PTPN14: variants seen among roughly 807,000 people sequenced by gnomAD.
PTPN14 encodes the protein protein tyrosine phosphatase non-receptor type 14.
A neutral mutation model predicts 126.8 loss-of-function variants in PTPN14; 53 were observed. That is an observed-to-expected ratio of 0.42 (90% CI 0.34 to 0.53). The LOEUF (loss-of-function observed/expected upper bound fraction) is 0.53, where lower values mean the gene tolerates loss of function less well. Ranked by LOEUF, PTPN14 falls within the 20% of genes least tolerant of loss-of-function variation. PTPN14 has a pLI of 0.08. For synonymous variants in PTPN14, 630 were observed against 599.3 expected (o/e 1.05, Z -0.75); for missense variants, 1,257 against 1,552.9 (o/e 0.81, Z 3.20).
chr1:214,391,714 A>AAC (rs1225438977), intron 10 of PTPN14, among the ~76,000 whole-genome samples: 5 of 151,454 alleles, frequency 3.3e-5, no homozygotes, highest in African/African-American at 1.2e-4. Flanking sequence ...TAAAAAAAAA[A>AAC]AAAAAACCCA....
chr1:214,364,803 G>GTGTGTGTGTT lies in PTPN14; in HGVS notation c.3272-129_3272-128insAACACACACA, dbSNP rs1443846804. On this transcript the variant is annotated intron_variant, in intron 17 of 18. Coordinates refer to ENST00000366956, the MANE Select transcript of PTPN14 (RefSeq NM_005401.5). This position sits in a 1 kb window ranked among gnomAD's most constrained non-coding sequence, Gnocchi z 4.1. ...TGTGTGTGTGTGTGTGTGTGTGTGTGTGTTTTAAGTGACAATAATTTATAG... is the reference window on the plus strand; with the variant it reads ...TGTGTGTGTGTGTGTGTGTGTGTGTGTGTGTGTGTTTGTTTTAAGTGACAATAATTTATAG... The GTGTGTGTGTT allele has an allele frequency of 8.5e-6, 7 of 825,738 alleles. No homozygotes were observed. The African/African-American group carries it at 1.2e-4, about 15-fold the overall frequency. 51.2% of individuals were successfully genotyped at this position (825,738 alleles called of 1,614,324 possible).
chr1:214,462,571 A>C (rs1660537134), intron 2 of PTPN14, among the ~76,000 whole-genome samples: 1 of 152,158 alleles, frequency 6.6e-6, no homozygotes. Context: ...GGCTATGTTC[A>C]TCTTCCATCA....
rs561681238 is a variant in PTPN14, at chr1:214,515,322, G to A, written c.-155+35861C>T. On this transcript the variant is annotated intron_variant, in intron 1 of 18. Coordinates refer to ENST00000366956, the MANE Select transcript of PTPN14 (RefSeq NM_005401.5). ...ACTAGGCACTTATTTTTTTTTTAAC[G>A]ATAATATGTCTATCTTCCTGCCAGC... Among the ~76,000 whole-genome samples the A allele has an allele frequency of 5.3e-5, 8 of 151,576 alleles. No individual in the cohort carries two copies. The South Asian group carries it at 1.0e-3, about 20-fold the overall frequency.
intron 3 of PTPN14, among the ~76,000 whole-genome samples, chr1:214,444,729 A>G (rs1021323952): frequency 5.3e-5 from 8 of 152,188 alleles, no homozygotes; most frequent in Non-Finnish European, 1.2e-4. Flanking sequence ...ACACACATGC[A>G]CACACACAGA....
chr1:214,468,210 G>A (rs1240685364), intron 1 of PTPN14, among the ~76,000 whole-genome samples: 1 of 152,116 alleles, frequency 6.6e-6, no homozygotes, highest in African/African-American at 2.4e-5. Flanking sequence ...ATATAGCAGG[G>A]GTAAAGAAGT....
At position 214,350,672 on chromosome 1, in the gene PTPN14, C is replaced by G. The variant is rs1405881136; in HGVS notation, c.*7250G>C. On this transcript the variant is annotated 3_prime_UTR_variant, in exon 19 of 19. Coordinates refer to ENST00000366956, the MANE Select transcript of PTPN14 (RefSeq NM_005401.5). ...TATCCTGCCTCAGCCTCCTGAGTAGCTGGGATTACAGGCATGTGCCACCAT... is the reference window on the plus strand; with the variant it reads ...TATCCTGCCTCAGCCTCCTGAGTAGGTGGGATTACAGGCATGTGCCACCAT... The G allele has an allele frequency of 7.0e-6, 1 of 143,126 alleles. No individual in the cohort carries two copies. Among genetic ancestry groups the G allele is most frequent in the East Asian group, 2.0e-4 (1 of 4,886 alleles). The allele number at this position is 143,126 out of a possible 1,614,324, so 8.9% of individuals were successfully genotyped here.
intron 2 of PTPN14, among the ~76,000 whole-genome samples, chr1:214,460,381 A>G (rs1282836378): frequency 6.6e-6 from 1 of 151,620 alleles, no homozygotes; most frequent in African/African-American, 2.4e-5. Context: ...CTTCCCTTCC[A>G]TGACCCTTTC....
In PTPN14 at chr1:214,352,396, T is replaced by C. The variant is rs1657723791; in HGVS notation, c.*5526A>G. The stretch of plus-strand genomic sequence containing the variant: ...ACACAAAAGCTGAGAGCAGGCTGGA[T>C]AAAGGCTGAGTGTTGATGGCGCAAG... On this transcript the variant is annotated 3_prime_UTR_variant, in exon 19 of 19. Transcript: ENST00000366956. 1 of 152,222 alleles carries C rather than the reference T, an allele frequency of 6.6e-6. No individual in the cohort carries two copies. Among genetic ancestry groups the C allele is most frequent in the Admixed American group, 6.5e-5 (1 of 15,282 alleles). The allele number at this position is 152,222 out of a possible 1,614,324, so 9.4% of individuals were successfully genotyped here.
chr1:214,475,163 C>CA (rs906233798), intron 1 of PTPN14, among the ~76,000 whole-genome samples: 4 of 152,036 alleles, frequency 2.6e-5, no homozygotes, highest in South Asian at 4.2e-4. Context: ...GCTTGTAAAA[C>CA]AAAAAAATTT....
Position 214,391,042 on chromosome 1 carries a change from C to T in PTPN14, c.933G>A (p.Gln311=), listed in dbSNP as rs371370240. The T allele has an allele frequency of 1.3e-6, 2 of 1,583,102 alleles. No homozygotes were observed. Among genetic ancestry groups the T allele is most frequent in the Non-Finnish European group, 1.7e-6 (2 of 1,158,782 alleles). ...FYKQNKICTE[Q]SNSPPPIRRQ... ...GTCTGATGGGGGGTGGAGAATTTGA[C>T]TGTCTACATGAAGAGGTGAAAAAAT... is the stretch of plus-strand genomic sequence containing the variant. Residue 311 remains glutamine (Q), a synonymous_variant, in exon 11 of 19, where the codon CAG becomes CAA. Coordinates refer to ENST00000366956, the MANE Select transcript of PTPN14 (RefSeq NM_005401.5).
rs368023398 is a variant in PTPN14, at chr1:214,364,563, G to A, written c.3384C>T (p.Thr1128=). The part of the protein sequence containing the change: ...VVHCSAGVGR[T]GVLILSELMI... ...TCAGCTCAGAAAGAATGAGCACGCC[G>A]GTCCTTCCCACCCCAGCACTACAGT... Residue 1128 remains threonine, a synonymous_variant, in exon 18 of 19, where the codon ACC becomes ACT. Coordinates refer to ENST00000366956, the MANE Select transcript of PTPN14 (RefSeq NM_005401.5). The surrounding 1 kb of genome is among the most constrained non-coding windows in gnomAD (Gnocchi z 4.1). 2.2e-5 allele frequency: 36 copies of A among 1,614,016 alleles called. 1 individual carries two copies. Among genetic ancestry groups the A allele is most frequent in the South Asian group, 7.7e-5 (7 of 91,056 alleles).
intron 15 of PTPN14, among the ~76,000 whole-genome samples, chr1:214,373,106 G>A (rs909685707): frequency 1.3e-5 from 2 of 152,180 alleles, no homozygotes; most frequent in African/African-American, 2.4e-5. Flanking sequence ...TTAGGCGGGA[G>A]TACAGTGGCA....
intron 1 of PTPN14, among the ~76,000 whole-genome samples, chr1:214,511,053 GTT>G (rs11335308): frequency 4.7e-5 from 7 of 147,476 alleles, no homozygotes; most frequent in East Asian, 3.9e-4. Flanking sequence ...TAAGTCTTTG[GTT>G]TTTTTTTTTT....
intron 9 of PTPN14, among the ~76,000 whole-genome samples, chr1:214,394,455 C>T (rs547802476): frequency 1.6e-4 from 24 of 152,192 alleles, no homozygotes; most frequent in Non-Finnish European, 2.4e-4. Context: ...TTGTCCAGGC[C>T]GGAGTGCAGT....
intron 1 of PTPN14, among the ~76,000 whole-genome samples, chr1:214,522,131 C>T (rs1366600465): frequency 1.3e-5 from 2 of 151,774 alleles, no homozygotes; most frequent in Non-Finnish European, 2.9e-5. Context: ...GAGACAGTTT[C>T]GCCATGTCGG....
At chr1:214,529,563 T>G (rs903434377) in intron 1 of PTPN14, 9 of 152,228 alleles carry the variant, frequency 5.9e-5, no homozygotes, top group Non-Finnish European at 1.5e-5. Flanking sequence ...ATCCTCCTTA[T>G]AAACAACCTC....
chr1:214,375,886 A>T (rs994929867), intron 15 of PTPN14, among the ~76,000 whole-genome samples: 1 of 152,236 alleles, frequency 6.6e-6, no homozygotes, highest in African/African-American at 2.4e-5. Flanking sequence ...CAAAGTCTCC[A>T]GCACCTGCTA....
At chr1:214,425,149 G>A (rs4507978) in intron 3 of PTPN14, among the ~76,000 whole-genome samples, 320 of 152,140 alleles carry the variant, frequency 2.1e-3, no homozygotes, top group Non-Finnish European at 2.3e-3. Context: ...CCTTGAAGGC[G>A]GGAACCACCT....
intron 15 of PTPN14, 98 bp from the exon 16 acceptor site, chr1:214,372,937 A>G (rs1658253484): frequency 2.0e-6 from 3 of 1,510,410 alleles, no homozygotes; most frequent in Admixed American, 4.0e-5. Context: ...AACCTTGGAT[A>G]TATTTTTGGG....
Sources: gnomAD v4.1 joint callset for allele counts (sites outside exome capture counted in the v4.1 genomes callset) on GRCh38, gnomAD v4.1.1 for gene constraint, Gnocchi (gnomAD v3.1) non-coding constraint, MANE v1.5 for transcripts, NCBI Gene and HGNC (gene_info 2026-07-23, HGNC 2026-07-21) for gene names.